Variants in GABRB1 observed in about 807,000 individuals in gnomAD.
GABRB1 encodes the protein gamma-aminobutyric acid type A receptor subunit beta1, also known as gamma-aminobutyric acid receptor subunit beta-1.
In GABRB1, 17 loss-of-function variants were observed where a neutral mutation model predicts 51.6. That is an observed-to-expected ratio of 0.33 (90% CI 0.23 to 0.49). The LOEUF (loss-of-function observed/expected upper bound fraction) is 0.49, where lower values mean the gene tolerates loss of function less well. Ranked by LOEUF, GABRB1 falls within the 20% of genes least tolerant of loss-of-function variation. The pLI is 0.99. For missense variants in GABRB1, 410 were observed against 600.6 expected (o/e 0.68, Z 3.32); for synonymous variants, 247 against 218.9 (o/e 1.13, Z -1.14).
chr4:47,239,458 T>C (rs533069729), intron 4 of GABRB1, among the ~76,000 whole-genome samples: 105 of 152,310 alleles, frequency 6.9e-4, no homozygotes, highest in African/African-American at 2.4e-3. Flanking sequence ...TTAGCTTTAG[T>C]GGATACTGGC....
intron 5 of GABRB1, among the ~76,000 whole-genome samples, chr4:47,368,157 C>G (rs1727053843): frequency 1.3e-5 from 2 of 152,082 alleles, no homozygotes; most frequent in Admixed American, 6.5e-5. Flanking sequence ...AAGGCATTTC[C>G]CATAATTGGA....
chr4:47,060,389 A>G (rs1428666310), intron 3 of GABRB1, among the ~76,000 whole-genome samples: 1 of 152,130 alleles, frequency 6.6e-6, no homozygotes, highest in Non-Finnish European at 1.5e-5. Flanking sequence ...ACCCACAGAA[A>G]TATCTCAGCT....
chr4:47,172,212 A>G (rs1201399505), intron 4 of GABRB1, among the ~76,000 whole-genome samples: 1 of 152,206 alleles, frequency 6.6e-6, no homozygotes, highest in East Asian at 1.9e-4. Flanking sequence ...CTGGAATGAT[A>G]AGTACCATTA....
chr4:47,023,983 A>G (rs900075880), intron 1 of GABRB1, among the ~76,000 whole-genome samples: 3 of 151,902 alleles, frequency 2.0e-5, no homozygotes, highest in African/African-American at 7.2e-5. Context: ...ACCTTTTGCA[A>G]TGCCATCTAG....
At chr4:47,342,514 C>T (rs1166385825) in intron 5 of GABRB1, among the ~76,000 whole-genome samples, 2 of 152,114 alleles carry the variant, frequency 1.3e-5, no homozygotes, top group Admixed American at 6.6e-5. Context: ...AAAGACCATA[C>T]AGTTGAAAGA....
chr4:47,148,766 C>A lies in GABRB1; in HGVS notation c.241-12483C>A, dbSNP rs1322849191. 2.0e-5 allele frequency among the ~76,000 whole-genome samples: 3 copies of A among 151,514 alleles called. No individual in the cohort carries two copies. In the Admixed American group the frequency reaches 2.0e-4, roughly 10 times the overall value. On this transcript the variant is annotated intron_variant, in intron 3 of 8. Transcript: ENST00000295454. ...CAACCACACACAGAGGACATCATGG[C>A]AGCAGAGTTCATCAGCATCACTGGC...
At chr4:46,993,726 C>G in exon 1 of GABRB1, 2 of 302,832 alleles carry the variant, frequency 6.6e-6, no homozygotes, top group Non-Finnish European at 1.3e-5. Context: ...CGTATCCGCG[C>G]GCTTGCGCTG....
At chr4:47,349,276 G>A (rs1726220686) in intron 5 of GABRB1, among the ~76,000 whole-genome samples, 1 of 152,074 alleles carries the variant, frequency 6.6e-6, no homozygotes, top group South Asian at 2.1e-4. Context: ...TGGGAGGTCT[G>A]GGGAATTTCA....
chr4:47,284,353 C>T (rs1324117681), intron 4 of GABRB1, among the ~76,000 whole-genome samples: 1 of 152,104 alleles, frequency 6.6e-6, no homozygotes, highest in African/African-American at 2.4e-5. Flanking sequence ...TTCCACCAAG[C>T]AGGAATAAAC....
rs578221929 is a variant in GABRB1 at position 47,108,777 on chromosome 4, G to C, written c.241-52472G>C. On this transcript the variant is annotated intron_variant, in intron 3 of 8. Coordinates refer to ENST00000295454, the MANE Select transcript of GABRB1 (RefSeq NM_000812.4). ...GTGTTACCTTACACTGTTCCTTTTT[G>C]ACAAATACAGTTCTGAAAGAAATGA... 5.3e-5 allele frequency among the ~76,000 whole-genome samples: 8 copies of C among 152,024 alleles called. No individual in the cohort carries two copies. The South Asian group carries it at 1.7e-3, about 32-fold the overall frequency.
intron 4 of GABRB1, among the ~76,000 whole-genome samples, chr4:47,239,530 A>T (rs112435098): frequency 6.6e-6 from 1 of 152,182 alleles, no homozygotes; most frequent in East Asian, 1.9e-4. Flanking sequence ...AACGGGCCCC[A>T]TCATTTCTAT....
At chr4:47,166,000 C>A (rs1718167848) in intron 4 of GABRB1, among the ~76,000 whole-genome samples, 9 of 152,066 alleles carry the variant, frequency 5.9e-5, no homozygotes, top group Admixed American at 5.9e-4. Context: ...CTTCTACCAT[C>A]TAAATTAACA....
At chr4:47,244,111 C>G (rs1162673361) in intron 4 of GABRB1, among the ~76,000 whole-genome samples, 4 of 152,086 alleles carry the variant, frequency 2.6e-5, no homozygotes, top group Admixed American at 2.6e-4. Context: ...TGAATTTTGT[C>G]GAAGGCCTTT....
At chr4:47,184,621 C>A (rs932854382) in intron 4 of GABRB1, among the ~76,000 whole-genome samples, 1 of 151,872 alleles carries the variant, frequency 6.6e-6, no homozygotes, top group African/African-American at 2.4e-5. Context: ...GTTGTACCCC[C>A]ATGAGCTGGG....
At chr4:47,162,690 A>G (rs927882158) in intron 4 of GABRB1, among the ~76,000 whole-genome samples, 1 of 152,032 alleles carries the variant, frequency 6.6e-6, no homozygotes, top group African/African-American at 2.4e-5. Flanking sequence ...AACTGGGACT[A>G]AAATCCGTGT....
intron 3 of GABRB1, among the ~76,000 whole-genome samples, chr4:47,097,458 A>AC (rs1298443583): frequency 3.3e-5 from 5 of 150,734 alleles, no homozygotes; most frequent in African/African-American, 4.9e-5. Context: ...TGGAATTGAA[A>AC]CCCCCCATTC....
intron 3 of GABRB1, among the ~76,000 whole-genome samples, chr4:47,141,558 CCTTATT>C (rs1716936353): frequency 6.6e-6 from 1 of 151,756 alleles, no homozygotes; most frequent in Admixed American, 6.6e-5. Flanking sequence ...TCATTTCTTG[CCTTATT>C]CTTATTTGCC....
intron 1 of GABRB1, among the ~76,000 whole-genome samples, chr4:47,001,443 G>A (rs1158409116): frequency 6.6e-6 from 1 of 152,128 alleles, no homozygotes; most frequent in East Asian, 1.9e-4. Flanking sequence ...TGCCCGGCCA[G>A]ATATTATTTT....
At chr4:47,328,733 C>T (rs1211567543) in intron 5 of GABRB1, among the ~76,000 whole-genome samples, 1 of 151,352 alleles carries the variant, frequency 6.6e-6, no homozygotes, top group African/African-American at 2.4e-5. Context: ...CACATGGACA[C>T]AGGAAGGGGA....
Sources: allele counts gnomAD v4.1 joint callset (sites outside exome capture counted in the v4.1 genomes callset), GRCh38; gene constraint gnomAD v4.1.1; transcripts MANE v1.5; gene names NCBI Gene and HGNC (gene_info 2026-07-23, HGNC 2026-07-21).